The following SNED1 variants were observed in gnomAD, a reference collection of about 807,000 sequenced individuals.
The protein encoded by SNED1 is sushi, nidogen and EGF-like domain-containing protein 1.
A neutral mutation model predicts 166.7 loss-of-function variants in SNED1; 81 were observed. The ratio of observed to expected loss-of-function variants is 0.49; its 90% CI spans 0.41 to 0.58. The LOEUF (loss-of-function observed/expected upper bound fraction) is 0.58. Among genes scored for constraint, SNED1 ranks in the 20% least tolerant of loss-of-function variants. The pLI, the probability that SNED1 is intolerant of heterozygous loss-of-function variation, is 0.00. For synonymous variants in SNED1, 762 were observed against 822.0 expected, an observed-to-expected ratio of 0.93 and a Z score of 1.25; for missense variants, 1,604 against 2,000.2, an observed-to-expected ratio of 0.80 and a Z score of 3.78.
chr2:240,997,788 C>A (rs1046153439), upstream of SNED1, among the ~76,000 whole-genome samples: 2 of 152,108 alleles, frequency 1.3e-5, no homozygotes, highest in African/African-American at 4.8e-5. Flanking sequence ...CACGGTGGGC[C>A]GGGTGAGTTC....
intron 4 of SNED1, 90 bp downstream of exon 4, chr2:241,034,820 G>T: frequency 7.3e-7 from 1 of 1,377,944 alleles, no homozygotes; most frequent in South Asian, 1.5e-5. Context: ...GGGGCTGGAT[G>T]CTGACGGGGA....
intron 30 of SNED1, 135 bp from the exon 31 acceptor site, chr2:241,088,230 C>T (rs1434733189): frequency 1.4e-6 from 1 of 710,644 alleles, no homozygotes; most frequent in African/African-American, 1.8e-5. Context: ...GGTGTCTGGA[C>T]TAATGGTGTC....
At chr2:241,057,233 G>A (rs1297627698) in intron 16 of SNED1, among the ~76,000 whole-genome samples, 1 of 151,680 alleles carries the variant, frequency 6.6e-6, no homozygotes, top group Non-Finnish European at 1.5e-5. Context: ...ACAAAAATTA[G>A]CTGGGCATGG....
At chr2:241,067,053 G>T (rs2062485528) in intron 21 of SNED1, among the ~76,000 whole-genome samples, 1 of 152,362 alleles carries the variant, frequency 6.6e-6, no homozygotes, top group African/African-American at 2.4e-5. Context: ...GTTTTAGGAA[G>T]AAGCACCTGC....
intron 16 of SNED1, among the ~76,000 whole-genome samples, chr2:241,058,834 C>T (rs530646377): frequency 3.3e-5 from 5 of 152,152 alleles, no homozygotes; most frequent in Non-Finnish European, 7.4e-5. Context: ...CCTGTAGTCC[C>T]AGCTACTCAG....
At chr2:241,021,360 C>T (rs935337847) in intron 1 of SNED1, among the ~76,000 whole-genome samples, 5 of 152,190 alleles carry the variant, frequency 3.3e-5, no homozygotes, top group African/African-American at 9.7e-5. Context: ...ATATTTACAG[C>T]GTTGTATATC....
intron 31 of SNED1, chr2:241,090,074 G>A (rs998641020): frequency 2.0e-6 from 3 of 1,516,736 alleles, no homozygotes; most frequent in Non-Finnish European, 2.6e-6. Context: ...TTAGCTTACT[G>A]TAACTTTTTT....
chr2:241,003,658 A>G (rs1403713992), intron 1 of SNED1, among the ~76,000 whole-genome samples: 1 of 152,180 alleles, frequency 6.6e-6, no homozygotes, highest in Non-Finnish European at 1.5e-5. Context: ...CTGTTGGAAC[A>G]TGGTAGTGTG....
intron 2 of SNED1, among the ~76,000 whole-genome samples, chr2:241,031,092 ACAGT>A (rs2061153315): frequency 6.6e-6 from 1 of 152,174 alleles, no homozygotes; most frequent in African/African-American, 2.4e-5. Flanking sequence ...TGCAAGACAG[ACAGT>A]GACTCCCTAG....
At chr2:241,016,831 G>T (rs2060607685) in intron 1 of SNED1, among the ~76,000 whole-genome samples, 1 of 149,028 alleles carries the variant, frequency 6.7e-6, no homozygotes. Context: ...CATTTGATAA[G>T]TTGCATTTTT....
At position 241,071,723 on chromosome 2, in the gene SNED1, ACATG is replaced by A; in HGVS notation, c.3734+5_3734+8del. On this transcript the variant is annotated splice_donor_5th_base_variant and intron_variant, in intron 25 of 31. Coordinates refer to ENST00000310397, the MANE Select transcript of SNED1 (RefSeq NM_001080437.3). ...GAGACCCCCACCCAGCCCCCCAGGT[ACATG>A]CCCCACCCATCGGCCCCATCGCCCG... 1 of 1,144,984 alleles carries A rather than the reference ACATG, an allele frequency of 8.7e-7. No homozygotes were observed. Among genetic ancestry groups the A allele is most frequent in the Non-Finnish European group, 1.2e-6 (1 of 818,220 alleles). 70.9% of individuals were successfully genotyped at this position (1,144,984 alleles called of 1,614,324 possible).
chr2:241,082,126 G>A, intron 28 of SNED1, 151 bp from the exon 29 acceptor site: 1 of 630,092 alleles, frequency 1.6e-6, no homozygotes, highest in Non-Finnish European at 2.8e-6. Flanking sequence ...GAGGAAGCCA[G>A]CTGCAGACCC....
Position 241,033,722 on chromosome 2 carries a change from C to G in SNED1, c.502-13C>G. On this transcript the variant is annotated splice_polypyrimidine_tract_variant and intron_variant, in intron 2 of 31. Coordinates refer to ENST00000310397, the MANE Select transcript of SNED1 (RefSeq NM_001080437.3). Reference sequence around the variant, plus strand: ...GGAGTGCAGGGCCCTGTTCAGCCCCCTCTCCCCGGCAGGTCAACACATTCC... The same window carrying G: ...GGAGTGCAGGGCCCTGTTCAGCCCCGTCTCCCCGGCAGGTCAACACATTCC... 6.2e-7 allele frequency: 1 copy of G among 1,608,426 alleles called. No individual in the cohort carries two copies. Among genetic ancestry groups the G allele is most frequent in the Non-Finnish European group, 8.5e-7 (1 of 1,177,958 alleles).
Position 241,037,223 on chromosome 2 carries a change from C to A in SNED1, c.932-17C>A. ...CGGGTTCCCGCCGCTGAGGCCTCAG[C>A]CTGCCCCATGTTTCAGACGTGAACG... On this transcript the variant is annotated splice_polypyrimidine_tract_variant and intron_variant, in intron 5 of 31. Coordinates refer to ENST00000310397, the MANE Select transcript of SNED1 (RefSeq NM_001080437.3). The A allele has an allele frequency of 6.3e-7, 1 of 1,590,222 alleles. No homozygotes were observed. Among genetic ancestry groups the A allele is most frequent in the Non-Finnish European group, 8.6e-7 (1 of 1,165,272 alleles).
chr2:241,023,814 T>A (rs2124928863), intron 1 of SNED1, among the ~76,000 whole-genome samples: 1 of 152,222 alleles, frequency 6.6e-6, no homozygotes, highest in Non-Finnish European at 1.5e-5. Context: ...CTCTTGCTTT[T>A]GATTAGCATT....
intron 31 of SNED1, chr2:241,090,074 G>C: frequency 6.6e-7 from 1 of 1,516,854 alleles, no homozygotes; most frequent in South Asian, 1.3e-5. Flanking sequence ...TTAGCTTACT[G>C]TAACTTTTTT....
intron 29 of SNED1, among the ~76,000 whole-genome samples, chr2:241,084,325 C>CAA (rs1029756517): frequency 5.3e-5 from 8 of 151,898 alleles, no homozygotes; most frequent in Non-Finnish European, 1.5e-5. Context: ...TTAGTAGAGA[C>CAA]AAAGTTTACG....
chr2:241,000,192 A>G lies in SNED1; in HGVS notation c.213+1142A>G, dbSNP rs147959657. Among the ~76,000 whole-genome samples, 821 of 152,020 alleles carry G rather than the reference A, an allele frequency of 5.4e-3. 8 individuals are homozygous for G. The highest frequency in any genetic ancestry group is 0.017 in the African/African-American group (706 of 41,420). ...CCACATCCTCTGCATGGTTGTCATC[A>G]TCCCTCCCCACCTCCATCCACAGGG... On this transcript the variant is annotated intron_variant, in intron 1 of 31. Transcript: ENST00000310397.
rs1158871409 is a variant in SNED1 at position 241,069,069 on chromosome 2, A to G, written c.3307+46A>G. The G allele has an allele frequency of 1.5e-6, 2 of 1,353,980 alleles. No homozygotes were observed. The highest frequency in any genetic ancestry group is 2.0e-6 in the Non-Finnish European group (2 of 980,496). The allele number at this position is 1,353,980 out of a possible 1,614,324, so 83.9% of individuals were successfully genotyped here. A position where few individuals can be genotyped will look rare whatever the true frequency, so the allele number is the denominator to read the frequency against. ...CCCGGCACACGAAAGGCCGTCTTCT[A>G]GAAGCTCTGGCTTCCTTCCAGCCTC... is the stretch of plus-strand genomic sequence containing the variant. On this transcript the variant is annotated intron_variant, in intron 23 of 31. Transcript: ENST00000310397. The surrounding 1 kb of genome is among the most constrained non-coding windows in gnomAD (Gnocchi z 4.9).
Sources: gnomAD v4.1 joint callset for allele counts (sites outside exome capture counted in the v4.1 genomes callset) on GRCh38, gnomAD v4.1.1 for gene constraint, Gnocchi (gnomAD v3.1) non-coding constraint, MANE v1.5 for transcripts, NCBI Gene and HGNC (gene_info 2026-07-23, HGNC 2026-07-21) for gene names.